BBS9: variants seen among roughly 807,000 people sequenced by gnomAD.
The protein encoded by BBS9 is protein PTHB1.
BBS9 carries 89 observed loss-of-function variants against 117.7 expected under a neutral mutation model. The ratio of observed to expected loss-of-function variants is 0.76; its 90% confidence interval spans 0.64 to 0.90. The LOEUF (loss-of-function observed/expected upper bound fraction) is 0.90, where lower values mean the gene tolerates loss of function less well. Ranked by LOEUF, BBS9 falls within the 40% of genes least tolerant of loss-of-function variation. The pLI, the probability that BBS9 is intolerant of heterozygous loss-of-function variation, is 0.00. For synonymous variants in BBS9, 379 were observed against 370.9 expected, an observed-to-expected ratio of 1.02 and a Z score of -0.25; for missense variants, 982 against 1,042.2, an observed-to-expected ratio of 0.94 and a Z score of 0.80.
intron 18 of BBS9, among the ~76,000 whole-genome samples, chr7:33,386,137 AT>A (rs1244879634): frequency 4.6e-5 from 7 of 152,230 alleles, no homozygotes; most frequent in Non-Finnish European, 8.8e-5. Flanking sequence ...TAATAAAAAA[AT>A]AAAAAAATAA....
chr7:33,248,384 CAG>C (rs1195870041), intron 5 of BBS9, among the ~76,000 whole-genome samples: 18 of 152,060 alleles, frequency 1.2e-4, no homozygotes, highest in African/African-American at 4.3e-4. Flanking sequence ...CAAACAATAA[CAG>C]AATATGAGGG....
At chr7:33,299,887 C>A (rs1011454602) in intron 9 of BBS9, among the ~76,000 whole-genome samples, 5 of 152,066 alleles carry the variant, frequency 3.3e-5, no homozygotes, top group African/African-American at 1.2e-4. Context: ...TGTTGGGGTT[C>A]TTATTCCCTA....
intron 4 of BBS9, among the ~76,000 whole-genome samples, chr7:33,166,587 C>T (rs1256603182): frequency 1.3e-5 from 2 of 152,276 alleles, no homozygotes; most frequent in Admixed American, 6.5e-5. Context: ...CTCCCCCTGC[C>T]AGGCTGCTGC....
chr7:33,552,299 ATCT>A (rs1354265253), intron 21 of BBS9, among the ~76,000 whole-genome samples: 1 of 152,148 alleles, frequency 6.6e-6, no homozygotes, highest in East Asian at 1.9e-4. Flanking sequence ...TGCTCAACAG[ATCT>A]TCGAGTAGAT....
chr7:33,341,290 A>T (rs975639473), intron 11 of BBS9, among the ~76,000 whole-genome samples: 2 of 152,088 alleles, frequency 1.3e-5, no homozygotes, highest in Non-Finnish European at 2.9e-5. Flanking sequence ...CATAGCATTG[A>T]CGTAATACTA....
chr7:33,611,478 TATA>T (rs1159244662), intron 21 of BBS9, among the ~76,000 whole-genome samples: 5 of 143,216 alleles, frequency 3.5e-5, no homozygotes, highest in African/African-American at 5.1e-5. Flanking sequence ...TATAATATAT[TATA>T]ATAATGTAAT....
At chr7:33,514,604 G>A (rs17794801) in intron 20 of BBS9, among the ~76,000 whole-genome samples, 85,452 of 151,944 alleles carry the variant, frequency 0.56, 24,329 homozygotes, top group Admixed American at 0.66. Flanking sequence ...ATGATTTACT[G>A]TAACATAAAA....
chr7:33,312,585 A>ATTTGGCCTTT lies in BBS9; in HGVS notation c.1017-23856_1017-23855insTTTGGCCTTT, dbSNP rs1296985675. Reference sequence around the variant, plus strand: ...CTACAACATCTTGCCAGACATTCAAAGGCCTTATGCACCTTTCATTTTTAT... The same window carrying ATTTGGCCTTT: ...CTACAACATCTTGCCAGACATTCAAATTTGGCCTTTGGCCTTATGCACCTTTCATTTTTAT... On this transcript the variant is annotated intron_variant, in intron 9 of 22. Transcript: ENST00000242067. Among the ~76,000 whole-genome samples, 9 of 152,304 alleles carry ATTTGGCCTTT rather than the reference A, an allele frequency of 5.9e-5. No homozygotes were observed. In the East Asian group the frequency reaches 1.7e-3, roughly 29 times the overall value.
intron 9 of BBS9, among the ~76,000 whole-genome samples, chr7:33,306,055 T>C (rs913561443): frequency 6.6e-6 from 1 of 152,006 alleles, no homozygotes; most frequent in Non-Finnish European, 1.5e-5. Context: ...TGCTTTGTAT[T>C]TGTTTTTGCT....
intron 19 of BBS9, among the ~76,000 whole-genome samples, chr7:33,483,220 G>T (rs1842711432): frequency 6.6e-6 from 1 of 152,142 alleles, no homozygotes; most frequent in South Asian, 2.1e-4. Context: ...AGAAAATAGT[G>T]ACCCTGTATA....
intron 11 of BBS9, 107 bp downstream of exon 11, chr7:33,341,080 A>G (rs555048667): frequency 2.7e-4 from 238 of 895,770 alleles, no homozygotes; most frequent in Non-Finnish European, 3.5e-4. Flanking sequence ...TAGACACTTC[A>G]GGGAGGATAA....
chr7:33,613,315 C>A (rs979708282), intron 21 of BBS9, among the ~76,000 whole-genome samples: 1 of 152,008 alleles, frequency 6.6e-6, no homozygotes. Flanking sequence ...ACTGTTGTTC[C>A]CTATTGGTTG....
At chr7:33,607,871 G>T (rs1354967650), downstream of BBS9, among the ~76,000 whole-genome samples, 1 of 151,062 alleles carries the variant, frequency 6.6e-6, no homozygotes, top group Non-Finnish European at 1.5e-5. Flanking sequence ...CCATGCAATT[G>T]ATAGCTCTCT....
chr7:33,515,314 A>G (rs191659661), intron 20 of BBS9, among the ~76,000 whole-genome samples: 280 of 152,318 alleles, frequency 1.8e-3, no homozygotes, highest in Middle Eastern at 3.4e-3. Context: ...CTTCACATTC[A>G]AAGTTTGATT....
chr7:33,273,830 C>T lies in BBS9; in HGVS notation c.890C>T (p.Ser297Phe), dbSNP rs1363893377. ...PSCFLPYCSV[S>F]EGTINTLIGN... ...TTTCTGTATTTTCAACTTACAGTTT[C>T]TGAAGGAACAATAAATACTTTGATT... Residue 297 changes from serine to phenylalanine, a missense_variant, in exon 9 of 23, where the codon TCT (serine) becomes TTT (phenylalanine). By Grantham distance (155) the Ser-to-Phe change is radical. Coordinates refer to ENST00000242067, the MANE Select transcript of BBS9 (RefSeq NM_198428.3). 2.2e-5 allele frequency: 36 copies of T among 1,608,000 alleles called. No individual in the cohort carries two copies. The highest frequency in any genetic ancestry group is 2.9e-5 in the Non-Finnish European group (34 of 1,175,194).
chr7:33,343,146 G>C (rs1057062887), intron 11 of BBS9, among the ~76,000 whole-genome samples: 1 of 152,034 alleles, frequency 6.6e-6, no homozygotes, highest in African/African-American at 2.4e-5. Context: ...AAGTGGCTTA[G>C]TTTTTCTTAG....
At position 33,275,758 on chromosome 7, in the gene BBS9, C is replaced by G. The variant is rs1309683719; in HGVS notation, c.1016+1802C>G. On this transcript the variant is annotated intron_variant, in intron 9 of 22. Coordinates refer to ENST00000242067, the MANE Select transcript of BBS9 (RefSeq NM_198428.3). ...ATACATTATATACAAGGGATGTACCCATTTCAGGAGTCACCATACTGAGAA... is the reference window on the plus strand; with the variant it reads ...ATACATTATATACAAGGGATGTACCGATTTCAGGAGTCACCATACTGAGAA... Among the ~76,000 whole-genome samples, 11 of 152,122 alleles carry G rather than the reference C, an allele frequency of 7.2e-5. No individual in the cohort carries two copies. The East Asian group carries it at 2.1e-3, about 29-fold the overall frequency.
intron 19 of BBS9, among the ~76,000 whole-genome samples, chr7:33,407,874 G>A (rs569633050): frequency 5.3e-5 from 8 of 152,346 alleles, no homozygotes; most frequent in East Asian, 3.9e-4. Context: ...TAGGCTGCTC[G>A]TGGGTCAGGG....
intron 11 of BBS9, among the ~76,000 whole-genome samples, chr7:33,341,801 G>A (rs370089205): frequency 3.9e-5 from 6 of 152,206 alleles, no homozygotes; most frequent in African/African-American, 4.8e-5. Context: ...AAGGATGAAA[G>A]GAGGACTATT....
Sources: gnomAD v4.1 joint callset for allele counts (sites outside exome capture counted in the v4.1 genomes callset) on GRCh38, gnomAD v4.1.1 for gene constraint, MANE v1.5 for transcripts, NCBI Gene and HGNC (gene_info 2026-07-23, HGNC 2026-07-21) for gene names.